The following RFC3 variants were observed in gnomAD, a reference collection of about 807,000 sequenced individuals.
RFC3 encodes A1 38 kDa subunit.
RFC3 carries 41 observed loss-of-function variants against 45.1 expected under a neutral mutation model. The observed-to-expected ratio is 0.91, with a 90% CI of 0.71 to 1.18. The LOEUF is 1.18. Among genes scored for constraint, RFC3 ranks in the 50% most tolerant of loss-of-function variants. The pLI, the probability that RFC3 is intolerant of heterozygous loss-of-function variation, is 0.00. For synonymous variants in RFC3, 149 were observed against 144.0 expected, an observed-to-expected ratio of 1.03 and a Z score of -0.25; for missense variants, 423 against 428.1, an observed-to-expected ratio of 0.99 and a Z score of 0.10.
rs1222617255 is a variant in RFC3, at chr13:33,837,387, A to C, written c.*1092A>C. ...CATATTGTTGAATGTTTCACTAGTT[A>C]ATGTTTATTGTTCAATATTTTTGTA... On this transcript the variant is annotated 3_prime_UTR_variant, in exon 9 of 9. Transcript: ENST00000380071. 6.6e-6 allele frequency: 1 copy of C among 152,118 alleles called. No homozygotes were observed. Among genetic ancestry groups the C allele is most frequent in the African/African-American group, 2.4e-5 (1 of 41,428 alleles). 9.4% of individuals were successfully genotyped at this position (152,118 alleles called of 1,614,324 possible).
intron 3 of RFC3, among the ~76,000 whole-genome samples, chr13:33,825,068 T>G (rs1431017390): frequency 6.6e-6 from 1 of 152,164 alleles, no homozygotes; most frequent in Non-Finnish European, 1.5e-5. Context: ...CGTGAGTTCT[T>G]CTGAAGCATA....
chr13:33,822,883 A>C (rs1254902566), intron 2 of RFC3, among the ~76,000 whole-genome samples: 1 of 152,230 alleles, frequency 6.6e-6, no homozygotes, highest in Non-Finnish European at 1.5e-5. Flanking sequence ...TATGACAGAA[A>C]TTATACATAA....
Position 33,953,112 on chromosome 13 carries a change from GA to G in RFC3, c.880-12971del, listed in dbSNP as rs143701126. ...AGAAATTAAATATATAATTTTGGGG[GA>G]AAATTTATCTATAATTTTAGCTCAT... is the stretch of plus-strand genomic sequence containing the variant. On this transcript the variant is annotated intron_variant, in intron 8 of 8. Transcript: ENST00000434425. 3.5e-3 allele frequency among the ~76,000 whole-genome samples: 538 copies of G among 152,160 alleles called. 1 individual carries two copies. Among genetic ancestry groups the G allele is most frequent in the African/African-American group, 0.012 (482 of 41,530 alleles).
At chr13:33,909,558 C>A (rs1275387932) in intron 8 of RFC3, among the ~76,000 whole-genome samples, 2 of 151,922 alleles carry the variant, frequency 1.3e-5, no homozygotes, top group African/African-American at 4.8e-5. Context: ...TCTCTTTCTC[C>A]TTCTTTACCT....
intron 8 of RFC3, among the ~76,000 whole-genome samples, chr13:33,843,205 G>GTT (rs60617562): frequency 0.076 from 11,277 of 148,194 alleles, 870 homozygotes; most frequent in East Asian, 0.18. Flanking sequence ...ATTTGCTCCT[G>GTT]TTTTTTTTTT....
At chr13:33,939,148 A>T (rs1006964946) in intron 8 of RFC3, among the ~76,000 whole-genome samples, 1 of 152,164 alleles carries the variant, frequency 6.6e-6, no homozygotes, top group Non-Finnish European at 1.5e-5. Context: ...TTTAAAATAT[A>T]TGAATATATA....
intron 8 of RFC3, among the ~76,000 whole-genome samples, chr13:33,936,006 G>C (rs758444806): frequency 6.6e-6 from 1 of 152,184 alleles, no homozygotes; most frequent in Non-Finnish European, 1.5e-5. Context: ...CGGGTCCACT[G>C]AGCTGGTCTC....
At chr13:33,912,174 A>G (rs2082707317) in intron 8 of RFC3, among the ~76,000 whole-genome samples, 1 of 152,094 alleles carries the variant, frequency 6.6e-6, no homozygotes, top group South Asian at 2.1e-4. Flanking sequence ...AAATCTAGAT[A>G]TACTGTTTTG....
At chr13:33,958,556 C>T (rs985221824) in intron 8 of RFC3, among the ~76,000 whole-genome samples, 2 of 152,182 alleles carry the variant, frequency 1.3e-5, no homozygotes, top group African/African-American at 4.8e-5. Flanking sequence ...ACTTTGGAAA[C>T]GTACTCTATG....
chr13:33,819,339 A>G (rs937040171), intron 1 of RFC3, among the ~76,000 whole-genome samples: 16 of 152,258 alleles, frequency 1.1e-4, no homozygotes, highest in African/African-American at 3.9e-4. Context: ...CTTTAGGAGA[A>G]TAAAGTGTCT....
At chr13:33,836,071 A>G (rs1172811754) in intron 8 of RFC3, 33 bp from the exon 9 acceptor site, 4 of 1,579,532 alleles carry the variant, frequency 2.5e-6, no homozygotes, top group African/African-American at 1.4e-5. Flanking sequence ...GTTTTTATTA[A>G]TGATTTTTAA....
At chr13:33,962,722 G>C (rs1014598906) in intron 8 of RFC3, among the ~76,000 whole-genome samples, 1 of 152,092 alleles carries the variant, frequency 6.6e-6, no homozygotes, top group African/African-American at 2.4e-5. Flanking sequence ...CAAAATAAAA[G>C]ATTCTAAGTT....
chr13:33,940,773 T>C (rs558628459), intron 8 of RFC3, among the ~76,000 whole-genome samples: 1 of 152,238 alleles, frequency 6.6e-6, no homozygotes, highest in Non-Finnish European at 1.5e-5. Flanking sequence ...TATAATAGTT[T>C]AGAAACCTTA....
At chr13:33,889,034 G>A (rs1265896394) in intron 8 of RFC3, among the ~76,000 whole-genome samples, 3 of 152,154 alleles carry the variant, frequency 2.0e-5, no homozygotes, top group African/African-American at 2.4e-5. Flanking sequence ...ATGAGCCATC[G>A]CGCCCGGCCC....
intron 8 of RFC3, among the ~76,000 whole-genome samples, chr13:33,894,299 G>T (rs2082583016): frequency 6.6e-6 from 1 of 152,146 alleles, no homozygotes; most frequent in South Asian, 2.1e-4. Flanking sequence ...TTAGTGAGTG[G>T]TGGGGAGTAT....
At chr13:33,927,461 C>T (rs2082821212) in intron 8 of RFC3, among the ~76,000 whole-genome samples, 1 of 152,122 alleles carries the variant, frequency 6.6e-6, no homozygotes, top group Non-Finnish European at 1.5e-5. Flanking sequence ...CTTAAAGTCA[C>T]AGCAGGCTGT....
intron 8 of RFC3, among the ~76,000 whole-genome samples, chr13:33,899,546 C>CTGTATA (rs2082626046): frequency 6.6e-6 from 1 of 151,736 alleles, no homozygotes; most frequent in Non-Finnish European, 1.5e-5. Flanking sequence ...GTAATAAAGC[C>CTGTATA]TGTATATGAC....
rs767019612 is a variant in RFC3 at position 33,836,338 on chromosome 13, T to G, written c.*43T>G. On this transcript the variant is annotated 3_prime_UTR_variant, in exon 9 of 9. Transcript: ENST00000380071. Reference sequence around the variant, plus strand: ...TGCAAAGATTTCTCAGTATCAGTATTTACATACAGCTTATATTAAAAGAGC... The same window carrying G: ...TGCAAAGATTTCTCAGTATCAGTATGTACATACAGCTTATATTAAAAGAGC... The G allele has an allele frequency of 5.0e-6, 8 of 1,599,404 alleles. No individual in the cohort carries two copies. The highest frequency in any genetic ancestry group is 6.8e-6 in the Non-Finnish European group (8 of 1,169,692).
At chr13:33,962,534 C>A (rs1321947145) in intron 8 of RFC3, among the ~76,000 whole-genome samples, 1 of 152,124 alleles carries the variant, frequency 6.6e-6, no homozygotes, top group Non-Finnish European at 1.5e-5. Context: ...TTACAATATA[C>A]TTCTGGGGCA....
Sources: allele counts gnomAD v4.1 joint callset (sites outside exome capture counted in the v4.1 genomes callset), GRCh38; gene constraint gnomAD v4.1.1; transcripts MANE v1.5; gene names NCBI Gene and HGNC (gene_info 2026-07-23, HGNC 2026-07-21).